TMEM132B: variants seen among roughly 807,000 people sequenced by gnomAD.
TMEM132B encodes transmembrane protein 132B.
Under a neutral mutation model 90.8 loss-of-function variants are expected in TMEM132B, and 18 were observed. The ratio of observed to expected loss-of-function variants is 0.20; its 90% CI spans 0.14 to 0.29. The LOEUF (loss-of-function observed/expected upper bound fraction) is 0.29. Ranked by LOEUF, TMEM132B falls within the 10% of genes least tolerant of loss-of-function variation. The probability of loss-of-function intolerance (pLI) is 1.00; values close to 1 mark genes in which losing one functional copy is unlikely to be tolerated. For missense variants in TMEM132B, 1,096 were observed against 1,326.8 expected, an observed-to-expected ratio of 0.83 and a Z score of 2.70; for synonymous variants, 504 against 523.3, an observed-to-expected ratio of 0.96 and a Z score of 0.50.
chr12:125,626,105 ACT>A (rs34959634), intron 5 of TMEM132B, among the ~76,000 whole-genome samples: 15,556 of 152,184 alleles, frequency 0.1, 1,059 homozygotes, highest in South Asian at 0.2. Context: ...AACAATTATA[ACT>A]CTGAAAAAAT....
chr12:125,540,471 C>G (rs1251527868), intron 4 of TMEM132B, among the ~76,000 whole-genome samples: 1 of 152,144 alleles, frequency 6.6e-6, no homozygotes, highest in Non-Finnish European at 1.5e-5. Context: ...AGATTTTGCT[C>G]TATCCATTTT....
chr12:125,585,494 C>G (rs181165122), intron 5 of TMEM132B: 1 of 152,182 alleles, frequency 6.6e-6, no homozygotes, highest in Non-Finnish European at 1.5e-5. Context: ...AAAGGAGACA[C>G]TGATAAGAGA....
rs1052437202 is a variant in TMEM132B at position 125,498,496 on chromosome 12, G to A, written c.1107-20943G>A. Among the ~76,000 whole-genome samples the A allele has an allele frequency of 2.0e-5, 3 of 152,192 alleles. No individual in the cohort carries two copies. Among genetic ancestry groups the A allele is most frequent in the Admixed American group, 6.5e-5 (1 of 15,288 alleles). ...TTAGCATGTTTCAGAGACAATATCT[G>A]ACTTCCTAGCAGAGAAATGTCTGTG... On this transcript the variant is annotated intron_variant, in intron 3 of 8. Coordinates refer to ENST00000682704, the MANE Select transcript of TMEM132B (RefSeq NM_001366854.1). This position sits in a 1 kb window ranked among gnomAD's most constrained non-coding sequence, Gnocchi z 4.5.
Position 125,350,182 on chromosome 12 carries a change from T to C in TMEM132B, c.798T>C (p.Ser266=). Residue 266 remains serine (S), a synonymous_variant, in exon 2 of 9, where the codon AGT becomes AGC. Transcript: ENST00000682704. ...QAFPARERIG[S]VVVYPTQDDL... is the part of the protein sequence containing the mutation. The stretch of plus-strand genomic sequence containing the variant: ...TTCCAGCCCGAGAGAGGATTGGGAG[T>C]GTGGTGGTCTACCCAACCCAAGATG... 1 of 1,613,836 alleles carries C rather than the reference T, an allele frequency of 6.2e-7. No individual in the cohort carries two copies. Among genetic ancestry groups the C allele is most frequent in the Non-Finnish European group, 8.5e-7 (1 of 1,179,972 alleles).
At chr12:125,233,999 G>A (rs1172461095) in intron 1 of TMEM132B, among the ~76,000 whole-genome samples, 1 of 152,200 alleles carries the variant, frequency 6.6e-6, no homozygotes, top group Middle Eastern at 3.2e-3. Flanking sequence ...TTATGAAGAT[G>A]TATATAAGAG....
At chr12:125,641,482 T>C (rs1334969046) in intron 5 of TMEM132B, among the ~76,000 whole-genome samples, 1 of 152,246 alleles carries the variant, frequency 6.6e-6, no homozygotes, top group African/African-American at 2.4e-5. Flanking sequence ...TTATTTGTGC[T>C]GTTTTAATTG....
intron 5 of TMEM132B, among the ~76,000 whole-genome samples, chr12:125,608,501 T>G (rs1284356743): frequency 1.3e-5 from 2 of 152,228 alleles, no homozygotes; most frequent in South Asian, 2.1e-4. Context: ...AGCAAATATT[T>G]TCTCCCATCC....
chr12:125,325,762 C>G (rs1876547195), intron 1 of TMEM132B, among the ~76,000 whole-genome samples: 1 of 150,628 alleles, frequency 6.6e-6, no homozygotes, highest in South Asian at 2.1e-4. Context: ...GTTGTTGTTT[C>G]CAACTTTTCA....
In TMEM132B at chr12:125,643,175, G is replaced by T. The variant is rs117787311; in HGVS notation, c.1438-901G>T. Among the ~76,000 whole-genome samples the T allele has an allele frequency of 1.1e-3, 171 of 152,298 alleles. 4 individuals are homozygous for T. The East Asian group carries it at 0.029, about 26-fold the overall frequency. Reference sequence around the variant, plus strand: ...AAGTCCCAGTTTCTGGCTTGCAAAAGTGGGGCTGTGGTGGCCCCACTGGTT... The same window carrying T: ...AAGTCCCAGTTTCTGGCTTGCAAAATTGGGGCTGTGGTGGCCCCACTGGTT... On this transcript the variant is annotated intron_variant, in intron 5 of 8. Transcript: ENST00000682704.
In TMEM132B at chr12:125,224,072, C is replaced by T. The variant is rs190271483; in HGVS notation, c.67+37206C>T. 1.8e-3 allele frequency among the ~76,000 whole-genome samples: 274 copies of T among 152,328 alleles called. 1 individual carries two copies. Among genetic ancestry groups the T allele is most frequent in the Non-Finnish European group, 3.0e-3 (206 of 68,024 alleles). On this transcript the variant is annotated intron_variant, in intron 1 of 8. Transcript: ENST00000682704. The stretch of plus-strand genomic sequence containing the variant: ...GATTACAGGCGTGAACCACCGTGCC[C>T]GGCCTAATGTTTTAAGGTTCAACCC...
intron 3 of TMEM132B, among the ~76,000 whole-genome samples, chr12:125,517,862 T>C (rs1365767914): frequency 6.6e-6 from 1 of 152,240 alleles, no homozygotes; most frequent in Non-Finnish European, 1.5e-5. Context: ...CTACCTGCCC[T>C]GTGCAACATG....
chr12:125,530,943 G>T (rs949767604), intron 4 of TMEM132B, among the ~76,000 whole-genome samples: 1 of 152,184 alleles, frequency 6.6e-6, no homozygotes, highest in African/African-American at 2.4e-5. Context: ...CAGGCGGGGG[G>T]CTACATGAGT....
At chr12:125,197,642 A>G (rs1872955193) in intron 1 of TMEM132B, among the ~76,000 whole-genome samples, 3 of 152,238 alleles carry the variant, frequency 2.0e-5, no homozygotes, top group Non-Finnish European at 4.4e-5. Context: ...CAAAGCCTAA[A>G]TAACCTGTCT....
chr12:125,368,979 G>A (rs1022181601), intron 2 of TMEM132B, among the ~76,000 whole-genome samples: 2 of 151,906 alleles, frequency 1.3e-5, no homozygotes, highest in Non-Finnish European at 2.9e-5. Flanking sequence ...TCATTAACTC[G>A]TCATTTACAT....
chr12:125,223,325 C>A (rs1873602369), intron 1 of TMEM132B, among the ~76,000 whole-genome samples: 1 of 152,202 alleles, frequency 6.6e-6, no homozygotes, highest in East Asian at 1.9e-4. Flanking sequence ...TCTTAATGAT[C>A]TTTTGGACGA....
At chr12:125,266,488 A>G (rs1202985376) in intron 1 of TMEM132B, among the ~76,000 whole-genome samples, 2 of 152,240 alleles carry the variant, frequency 1.3e-5, no homozygotes, top group African/African-American at 2.4e-5. Flanking sequence ...AGAGTAATAT[A>G]TGTACATGGT....
chr12:125,394,698 C>A (rs942317974), intron 2 of TMEM132B, among the ~76,000 whole-genome samples: 13 of 152,172 alleles, frequency 8.5e-5, no homozygotes, highest in Non-Finnish European at 1.8e-4. Flanking sequence ...GGCTATGAAT[C>A]TGGGACTTGG....
At chr12:125,643,932 T>A (rs1886693849) in intron 5 of TMEM132B, 144 bp from the exon 6 acceptor site, 1 of 685,574 alleles carries the variant, frequency 1.5e-6, no homozygotes, top group African/African-American at 1.8e-5. Flanking sequence ...GCCTACAAAT[T>A]ACCTTTTGTA....
chr12:125,238,366 C>CAAAA lies in TMEM132B; in HGVS notation c.67+51507_67+51510dup, dbSNP rs762032967. ...AGACTCCGTCTCAAAAAAAAAAAAC[C>CAAAA]AAAAAAAAAACAAAAAAAAACCAAA... On this transcript the variant is annotated intron_variant, in intron 1 of 8. Transcript: ENST00000682704. 6.3e-5 allele frequency among the ~76,000 whole-genome samples: 7 copies of CAAAA among 111,576 alleles called. 1 individual carries two copies. Among genetic ancestry groups the CAAAA allele is most frequent in the Non-Finnish European group, 1.3e-4 (7 of 54,776 alleles). 73.2% of individuals were successfully genotyped at this position (111,576 alleles called of 152,430 possible). A position where few individuals can be genotyped will look rare whatever the true frequency, so the allele number is the denominator to read the frequency against.
Sources: gnomAD v4.1 joint callset for allele counts (sites outside exome capture counted in the v4.1 genomes callset) on GRCh38, gnomAD v4.1.1 for gene constraint, Gnocchi (gnomAD v3.1) non-coding constraint, MANE v1.5 for transcripts, NCBI Gene and HGNC (gene_info 2026-07-23, HGNC 2026-07-21) for gene names.